HTR1F: variants seen among roughly 807,000 people sequenced by gnomAD.
HTR1F encodes 5-hydroxytryptamine (serotonin) receptor 1F, G protein-coupled.
Under a neutral mutation model 24.0 loss-of-function variants are expected in HTR1F, and 17 were observed. The observed-to-expected ratio is 0.71, with a 90% CI of 0.48 to 1.06. HTR1F has a LOEUF of 1.06. Ranked by LOEUF, HTR1F falls within the 50% of genes least tolerant of loss-of-function variation. The pLI, the probability that HTR1F is intolerant of heterozygous loss-of-function variation, is 0.00. For missense variants in HTR1F, 391 were observed against 427.8 expected, an observed-to-expected ratio of 0.91 and a Z score of 0.76; for synonymous variants, 186 against 156.8, an observed-to-expected ratio of 1.19 and a Z score of -1.39.
chr3:87,822,127 A>G lies in HTR1F; in HGVS notation c.-43+3A>G, dbSNP rs1468582050. 6.6e-6 allele frequency among the ~76,000 whole-genome samples: 1 copy of G among 152,224 alleles called. No individual in the cohort carries two copies. The highest frequency in any genetic ancestry group is 1.5e-5 in the Non-Finnish European group (1 of 68,040). On this transcript the variant is annotated splice_donor_region_variant and intron_variant, in intron 2 of 2. Coordinates refer to ENST00000319595, the MANE Select transcript of HTR1F (RefSeq NM_001322209.2). ...ACAATTCAATCTACCACAGTATGGTAAGCATTCCCAGCTTTAAACCATGAA... is the reference window on the plus strand; with the variant it reads ...ACAATTCAATCTACCACAGTATGGTGAGCATTCCCAGCTTTAAACCATGAA...
intron 2 of HTR1F, among the ~76,000 whole-genome samples, chr3:87,861,992 C>T (rs563152871): frequency 2.9e-4 from 44 of 151,908 alleles, no homozygotes; most frequent in Non-Finnish European, 4.4e-4. Flanking sequence ...GTTATAAATC[C>T]CACAATCAAA....
At chr3:87,951,653 ACAT>A (rs1704836189) in intron 2 of HTR1F, among the ~76,000 whole-genome samples, 2 of 152,100 alleles carry the variant, frequency 1.3e-5, no homozygotes, top group Non-Finnish European at 2.9e-5. Context: ...CTACATTGAC[ACAT>A]CATCATCAAG....
chr3:87,912,207 A>G (rs1197803711), intron 2 of HTR1F, among the ~76,000 whole-genome samples: 1 of 151,934 alleles, frequency 6.6e-6, no homozygotes, highest in Admixed American at 6.6e-5. Context: ...AACAAAAAAA[A>G]AAACTTTAGC....
At chr3:87,894,712 G>T (rs13085133) in intron 2 of HTR1F, among the ~76,000 whole-genome samples, 2 of 151,914 alleles carry the variant, frequency 1.3e-5, no homozygotes, top group Non-Finnish European at 2.9e-5. Context: ...TACCTGTTGG[G>T]CTATCTTAAC....
rs1704892503 is a variant in HTR1F, at chr3:87,954,073, G to A, written c.-42-36635G>A. ...TGGGCAGGTGGAGACAGCATAGAGAGGTAGGTTAATAGATACAAATGAATA... is the reference window on the plus strand; with the variant it reads ...TGGGCAGGTGGAGACAGCATAGAGAAGTAGGTTAATAGATACAAATGAATA... On this transcript the variant is annotated intron_variant, in intron 2 of 2. Coordinates refer to ENST00000319595, the MANE Select transcript of HTR1F (RefSeq NM_001322209.2). 2.0e-5 allele frequency among the ~76,000 whole-genome samples: 3 copies of A among 151,640 alleles called. No homozygotes were observed. The South Asian group carries it at 6.2e-4, about 31-fold the overall frequency.
intron 2 of HTR1F, among the ~76,000 whole-genome samples, chr3:87,878,352 C>A (rs760236998): frequency 6.6e-5 from 10 of 152,170 alleles, no homozygotes; most frequent in Non-Finnish European, 1.3e-4. Flanking sequence ...GCCTGGTAGA[C>A]CCAGGAAGTA....
intron 2 of HTR1F, among the ~76,000 whole-genome samples, chr3:87,878,981 G>A (rs1365853013): frequency 6.6e-6 from 1 of 152,098 alleles, no homozygotes; most frequent in Admixed American, 6.6e-5. Context: ...TTATGTATAT[G>A]TAAATATAGA....
intron 2 of HTR1F, among the ~76,000 whole-genome samples, chr3:87,928,526 A>G (rs141716004): frequency 1.1e-3 from 164 of 152,312 alleles, no homozygotes; most frequent in African/African-American, 3.8e-3. Flanking sequence ...AAAAATGAAT[A>G]TGTTCACTTA....
chr3:87,953,082 A>G (rs746112087), intron 2 of HTR1F, among the ~76,000 whole-genome samples: 94 of 152,026 alleles, frequency 6.2e-4, no homozygotes, highest in Non-Finnish European at 9.4e-4. Flanking sequence ...AACATAAGAC[A>G]TGAAACTATT....
chr3:87,850,413 A>G (rs1215082503), intron 2 of HTR1F, among the ~76,000 whole-genome samples: 1 of 151,862 alleles, frequency 6.6e-6, no homozygotes, highest in Admixed American at 6.6e-5. Flanking sequence ...AACAATGAGA[A>G]CACATGAACA....
intron 2 of HTR1F, among the ~76,000 whole-genome samples, chr3:87,919,244 A>G (rs1220439659): frequency 6.6e-6 from 1 of 152,190 alleles, no homozygotes. Context: ...AAGGACTTAA[A>G]TCTAAGACTT....
intron 2 of HTR1F, among the ~76,000 whole-genome samples, chr3:87,835,293 A>C (rs1704660223): frequency 6.9e-6 from 1 of 145,170 alleles, no homozygotes; most frequent in African/African-American, 2.7e-5. Flanking sequence ...CGCAAACCCA[A>C]CCCCACCCCC....
intron 1 of HTR1F, among the ~76,000 whole-genome samples, chr3:87,816,255 C>G (rs1330088309): frequency 2.0e-5 from 3 of 152,062 alleles, no homozygotes; most frequent in African/African-American, 7.2e-5. Flanking sequence ...TTGACCATGA[C>G]TTACAGAAAC....
At chr3:87,834,382 AT>A (rs1704641460) in intron 2 of HTR1F, among the ~76,000 whole-genome samples, 1 of 152,212 alleles carries the variant, frequency 6.6e-6, no homozygotes, top group African/African-American at 2.4e-5. Flanking sequence ...TATATTAAAA[AT>A]GAAAACAATT....
chr3:87,953,207 G>T (rs917104394), intron 2 of HTR1F, among the ~76,000 whole-genome samples: 3 of 151,112 alleles, frequency 2.0e-5, no homozygotes, highest in African/African-American at 7.3e-5. Flanking sequence ...AAAAATGAGG[G>T]TATATTAAAC....
chr3:87,850,376 C>A (rs1705056958), intron 2 of HTR1F, among the ~76,000 whole-genome samples: 1 of 151,842 alleles, frequency 6.6e-6, no homozygotes. Context: ...CCAAACACTG[C>A]ATGTTCTCAC....
chr3:87,916,952 AC>A (rs1314080800), intron 2 of HTR1F, among the ~76,000 whole-genome samples: 1 of 152,138 alleles, frequency 6.6e-6, no homozygotes, highest in Non-Finnish European at 1.5e-5. Flanking sequence ...AAGATAGACC[AC>A]ATGATAGACC....
rs1410624701 is a variant in HTR1F at position 87,933,086 on chromosome 3, G to A, written c.-42-57622G>A. ...ATAAATGTAATCCAGCATATAAACA[G>A]AACCAAAGACAAAAACCACATGATT... On this transcript the variant is annotated intron_variant, in intron 2 of 2. Transcript: ENST00000319595. Among the ~76,000 whole-genome samples the A allele has an allele frequency of 2.7e-4, 40 of 150,844 alleles. 1 individual carries two copies. The highest frequency in any genetic ancestry group is 7.3e-4 in the African/African-American group (30 of 40,992).
chr3:87,919,542 T>C (rs956843255), intron 2 of HTR1F, among the ~76,000 whole-genome samples: 1 of 151,454 alleles, frequency 6.6e-6, no homozygotes, highest in African/African-American at 2.4e-5. Context: ...AAAAATTCCA[T>C]CAAAAAATGG....
Sources: allele counts gnomAD v4.1 joint callset (sites outside exome capture counted in the v4.1 genomes callset), GRCh38; gene constraint gnomAD v4.1.1; transcripts MANE v1.5; gene names NCBI Gene and HGNC (gene_info 2026-07-23, HGNC 2026-07-21).